RASGRP3: variants seen among roughly 807,000 people sequenced by gnomAD.
RASGRP3 encodes RAS guanyl releasing protein 3.
Under a neutral mutation model 82.7 loss-of-function variants are expected in RASGRP3, and 54 were observed. The ratio of observed to expected loss-of-function variants is 0.65; its 90% CI spans 0.52 to 0.82. The LOEUF is 0.82. RASGRP3 is among the 40% of genes least tolerant of loss of function. The pLI is 0.00. For missense variants in RASGRP3, 861 were observed against 828.9 expected (o/e 1.04, Z -0.48); for synonymous variants, 309 against 300.5 (o/e 1.03, Z -0.29).
chr2:33,457,810 A>G (rs991268848), intron 2 of RASGRP3, among the ~76,000 whole-genome samples: 10 of 152,132 alleles, frequency 6.6e-5, no homozygotes, highest in African/African-American at 9.7e-5. Flanking sequence ...CCCTCACCAC[A>G]CTACCTCTCC....
intron 1 of RASGRP3, 51 bp downstream of exon 1, chr2:33,476,758 C>CGTGCGTGCGT (rs1553338895): frequency 7.1e-6 from 1 of 140,340 alleles, no homozygotes; most frequent in Non-Finnish European, 1.5e-5. Flanking sequence ...ATTCCCTCTC[C>CGTGCGTGCGT]GTGTGTGTGT....
chr2:33,521,965 G>T lies in RASGRP3; in HGVS notation c.379G>T (p.Asp127Tyr). The change falls in exon 7 of 18, where the codon GAC (aspartate) becomes TAC (tyrosine). Residue 127 changes from aspartate to tyrosine, a missense_variant. Transcript: ENST00000403687. ...ACTCTTCTTTTATAGTCCTTCCTAT[G>T]ACTGGATGAGAAGAGTCACACAGAG... Reference protein sequence around the residue: ...LIDISSIPSYDWMRRVTQRKK... With the variant: ...LIDISSIPSYYWMRRVTQRKK... The T allele has an allele frequency of 1.2e-6, 2 of 1,610,602 alleles. No individual in the cohort carries two copies. The highest frequency in any genetic ancestry group is 2.2e-5 in the South Asian group (2 of 90,088).
upstream of RASGRP3, among the ~76,000 whole-genome samples, chr2:33,475,904 G>A (rs990912820): frequency 6.6e-6 from 1 of 152,190 alleles, no homozygotes; most frequent in African/African-American, 2.4e-5. Context: ...ATTCACACTC[G>A]CCGGCTGATA....
At chr2:33,538,456 T>C (rs1312340696) in intron 11 of RASGRP3, among the ~76,000 whole-genome samples, 1 of 151,876 alleles carries the variant, frequency 6.6e-6, no homozygotes, top group Non-Finnish European at 1.5e-5. Context: ...TGAGCCGAGA[T>C]CATGCCACTG....
intron 14 of RASGRP3, among the ~76,000 whole-genome samples, chr2:33,552,743 T>C (rs1021179704): frequency 4.6e-5 from 7 of 151,350 alleles, no homozygotes; most frequent in Non-Finnish European, 8.8e-5. Context: ...GTGTTAGTAA[T>C]TCCCTTATTT....
intron 2 of RASGRP3, among the ~76,000 whole-genome samples, chr2:33,449,132 G>A (rs1289994948): frequency 2.0e-5 from 3 of 152,228 alleles, no homozygotes; most frequent in African/African-American, 4.8e-5. Context: ...CTGTGCAAGT[G>A]TGATTGAGAC....
In RASGRP3 at chr2:33,488,317, T is replaced by A. The variant is rs1668568537; in HGVS notation, c.-261+11610T>A. ...GCTTTTTGCCAGTAACTGACAGAGC[T>A]GGTACTAGAACAAATTACTTCTAAT... On this transcript the variant is annotated intron_variant, in intron 1 of 17. Coordinates refer to ENST00000403687, the MANE Select transcript of RASGRP3 (RefSeq NM_001139488.2). 2.0e-5 allele frequency among the ~76,000 whole-genome samples: 3 copies of A among 152,228 alleles called. No homozygotes were observed. The South Asian group carries it at 6.2e-4, about 32-fold the overall frequency.
At chr2:33,517,456 G>A (rs572348430) in intron 4 of RASGRP3, among the ~76,000 whole-genome samples, 2 of 152,190 alleles carry the variant, frequency 1.3e-5, no homozygotes, top group Non-Finnish European at 2.9e-5. Context: ...AGAGAGAGAG[G>A]CACAGCCTTA....
At chr2:33,516,383 G>C (rs1175274585) in intron 3 of RASGRP3, among the ~76,000 whole-genome samples, 159 bp from the exon 4 acceptor site, 1 of 152,138 alleles carries the variant, frequency 6.6e-6, no homozygotes, top group Non-Finnish European at 1.5e-5. Context: ...CTCCAGCCTG[G>C]GTGACAGAGC....
At position 33,523,923 on chromosome 2, in the gene RASGRP3, T is replaced by A. The variant is rs1438384311; in HGVS notation, c.561T>A (p.Asn187Lys). Residue 187 changes from asparagine to lysine, a missense_variant, in exon 8 of 18, where the codon AAT becomes AAA. Coordinates refer to ENST00000403687, the MANE Select transcript of RASGRP3 (RefSeq NM_001139488.2). Reference protein sequence around the residue: ...QSYVIHGCLENNPTLERSIAL... With the variant: ...QSYVIHGCLEKNPTLERSIAL... ...ATGTCATCCATGGCTGCCTGGAGAA[T>A]AATCCAACCTTGGAAAGATCGATTG... 2 of 1,613,854 alleles carry A rather than the reference T, an allele frequency of 1.2e-6. No individual in the cohort carries two copies. Among genetic ancestry groups the A allele is most frequent in the African/African-American group, 2.7e-5 (2 of 75,056 alleles).
chr2:33,456,867 C>T (rs893664166), intron 2 of RASGRP3, among the ~76,000 whole-genome samples: 15 of 150,992 alleles, frequency 9.9e-5, no homozygotes, highest in Admixed American at 2.6e-4. Flanking sequence ...AATCACCATT[C>T]GTCAAAGTCT....
chr2:33,448,627 A>T (rs79186681), intron 2 of RASGRP3, among the ~76,000 whole-genome samples: 8,001 of 152,264 alleles, frequency 0.053, 319 homozygotes, highest in Non-Finnish European at 0.084. Flanking sequence ...ATTCATAGAA[A>T]CAGAAAGTAG....
intron 1 of RASGRP3, among the ~76,000 whole-genome samples, chr2:33,509,300 GCT>G (rs1447700138): frequency 6.6e-6 from 1 of 152,058 alleles, no homozygotes; most frequent in Non-Finnish European, 1.5e-5. Context: ...TACTTGGGAG[GCT>G]GAGGTGGGAG....
In RASGRP3 at chr2:33,520,605, C is replaced by T. The variant is rs1313672455; in HGVS notation, c.289C>T (p.Arg97Cys). The change falls in exon 6 of 18, where the codon CGT (arginine) becomes TGT (cysteine). Residue 97 changes from arginine to cysteine, a missense_variant. Arg to Cys is a radical substitution (Grantham distance 180). Transcript: ENST00000403687. ...GTTTAATTTGGATCTTGGTTTGATT[C>T]GTATGACTGAGGAATTTCGGGAAGT... Reference protein sequence around the residue: ...AEFNLDLGLIRMTEEFREVAS... With the variant: ...AEFNLDLGLICMTEEFREVAS... The T allele has an allele frequency of 1.1e-5, 17 of 1,613,796 alleles. No homozygotes were observed. The highest frequency in any genetic ancestry group is 1.0e-4 in the Admixed American group (6 of 60,004).
At chr2:33,540,299 T>C (rs1190615957) in intron 12 of RASGRP3, 1 of 134,300 alleles carries the variant, frequency 7.4e-6, no homozygotes, top group Non-Finnish European at 1.7e-5. Context: ...AAGAGGAATA[T>C]TAGTGAGGGA....
At chr2:33,458,519 CG>C (rs1295762450) in intron 2 of RASGRP3, among the ~76,000 whole-genome samples, 2 of 152,074 alleles carry the variant, frequency 1.3e-5, no homozygotes, top group African/African-American at 4.8e-5. Flanking sequence ...GTGGTGAAGC[CG>C]TGTAATTCAG....
rs141965100 is a variant in RASGRP3 at position 33,563,470 on chromosome 2, A to ATACTTTACT, written c.*738_*739insTACTTACTT. ...TAGCATGGTCGTGAAAGCTCTCCTA[A>ATACTTTACT]TACTTACTTAAATAGCCATGGAAGA... On this transcript the variant is annotated 3_prime_UTR_variant, in exon 18 of 18. Transcript: ENST00000403687. 1.3e-5 allele frequency: 2 copies of ATACTTTACT among 152,078 alleles called. No individual in the cohort carries two copies. The highest frequency in any genetic ancestry group is 2.4e-5 in the African/African-American group (1 of 41,440). The allele number at this position is 152,078 out of a possible 1,614,324, so 9.4% of individuals were successfully genotyped here.
At chr2:33,558,624 T>A (rs1219538379) in intron 16 of RASGRP3, 48 bp from the exon 17 acceptor site, 1 of 1,476,200 alleles carries the variant, frequency 6.8e-7, no homozygotes. Flanking sequence ...GATGCTTTGC[T>A]GTCAAGCAGT....
chr2:33,546,249 C>T (rs1421911870), intron 13 of RASGRP3, among the ~76,000 whole-genome samples: 4 of 151,816 alleles, frequency 2.6e-5, no homozygotes, highest in African/African-American at 4.8e-5. Context: ...CGGTGAAACT[C>T]TGTCTCTACT....
Sources: gnomAD v4.1 joint callset for allele counts (sites outside exome capture counted in the v4.1 genomes callset) on GRCh38, gnomAD v4.1.1 for gene constraint, MANE v1.5 for transcripts, NCBI Gene and HGNC (gene_info 2026-07-23, HGNC 2026-07-21) for gene names.